The following TMCO4 variants were observed in gnomAD, a reference collection of about 807,000 sequenced individuals.
TMCO4 encodes transmembrane and coiled-coil domain-containing protein 4.
TMCO4 carries 58 observed loss-of-function variants against 64.7 expected under a neutral mutation model. That is an observed-to-expected ratio of 0.90 (90% CI 0.73 to 1.12). The LOEUF (loss-of-function observed/expected upper bound fraction) is 1.12. TMCO4 is among the 50% of genes most tolerant of loss of function. The pLI is 0.00. For synonymous variants in TMCO4, 325 were observed against 346.1 expected (o/e 0.94, Z 0.68); for missense variants, 780 against 825.9 (o/e 0.94, Z 0.68).
chr1:19,735,855 G>A (rs2095451788), intron 13 of TMCO4, among the ~76,000 whole-genome samples: 1 of 152,194 alleles, frequency 6.6e-6, no homozygotes. Context: ...GCCAGAGAGG[G>A]AAAGATGACA....
At chr1:19,775,032 A>G (rs1263661503) in intron 4 of TMCO4, among the ~76,000 whole-genome samples, 1 of 152,002 alleles carries the variant, frequency 6.6e-6, no homozygotes, top group East Asian at 1.9e-4. Context: ...CCCATCTTAC[A>G]CAGGGCGCAC....
At chr1:19,741,345 T>G (rs1181124760) in intron 10 of TMCO4, among the ~76,000 whole-genome samples, 1 of 152,238 alleles carries the variant, frequency 6.6e-6, no homozygotes. Context: ...AAGCTGCTAA[T>G]GACATACAAC....
chr1:19,726,834 AAT>A (rs1452039355), intron 13 of TMCO4, among the ~76,000 whole-genome samples: 1 of 152,150 alleles, frequency 6.6e-6, no homozygotes, highest in East Asian at 1.9e-4. Flanking sequence ...ATGCCAGTTG[AAT>A]TTGGGCCTGT....
At chr1:19,749,925 C>T (rs990609824) in intron 7 of TMCO4, among the ~76,000 whole-genome samples, 1 of 152,158 alleles carries the variant, frequency 6.6e-6, no homozygotes, top group Non-Finnish European at 1.5e-5. Context: ...CCACAGTGGA[C>T]AGAACCACTT....
chr1:19,789,985 C>G (rs894396244), intron 2 of TMCO4, among the ~76,000 whole-genome samples: 4 of 147,006 alleles, frequency 2.7e-5, no homozygotes, highest in Non-Finnish European at 4.5e-5. Flanking sequence ...TCTTGGGGGT[C>G]GAGGCTGCAG....
chr1:19,701,082 CTACT>C (rs2095269272), intron 13 of TMCO4, 197 bp from the exon 14 acceptor site: 2 of 518,054 alleles, frequency 3.9e-6, no homozygotes, highest in Non-Finnish European at 6.8e-6. Context: ...AGGCTTCTAC[CTACT>C]GAGTTCCAGA....
In TMCO4 at chr1:19,682,940, T is replaced by C; in HGVS notation, c.*100A>G. 1 of 1,418,784 alleles carries C rather than the reference T, an allele frequency of 7.0e-7. No individual in the cohort carries two copies. Among genetic ancestry groups the C allele is most frequent in the East Asian group, 2.3e-5 (1 of 43,590 alleles). The allele number at this position is 1,418,784 out of a possible 1,614,324, so 87.9% of individuals were successfully genotyped here. On this transcript the variant is annotated 3_prime_UTR_variant, in exon 16 of 16. Transcript: ENST00000294543. ...TCCTTCCATTTAGGAAAGAGGCCTG[T>C]GGAAATCCTGTACCTCCAGAGCTCC...
At chr1:19,794,977 C>T (rs554081617) in intron 2 of TMCO4, among the ~76,000 whole-genome samples, 17 of 152,058 alleles carry the variant, frequency 1.1e-4, no homozygotes, top group African/African-American at 3.6e-4. Context: ...ATGGTGGTGG[C>T]CAGGGGCTGC....
At position 19,730,205 on chromosome 1, in the gene TMCO4, T is replaced by G. The variant is rs535208863; in HGVS notation, c.1264+7167A>C. ...TTGTAAAAGTCACATGTGTTACTTATGGGTGAAGGTGCTTTAAGGGCCAGT... is the reference window on the plus strand; with the variant it reads ...TTGTAAAAGTCACATGTGTTACTTAGGGGTGAAGGTGCTTTAAGGGCCAGT... On this transcript the variant is annotated intron_variant, in intron 13 of 15. Coordinates refer to ENST00000294543, the MANE Select transcript of TMCO4 (RefSeq NM_181719.7). Among the ~76,000 whole-genome samples the G allele has an allele frequency of 2.0e-5, 3 of 152,322 alleles. No homozygotes were observed. In the East Asian group the frequency reaches 5.8e-4, roughly 29 times the overall value.
chr1:19,790,850 C>T lies in TMCO4; in HGVS notation c.-100-3733G>A, dbSNP rs535705870. 3.9e-5 allele frequency among the ~76,000 whole-genome samples: 6 copies of T among 152,322 alleles called. 1 individual carries two copies. Among genetic ancestry groups the T allele is most frequent in the African/African-American group, 1.4e-4 (6 of 41,570 alleles). ...TGTAAATCATTCTATTACAAAGATA[C>T]CTGCACGTGTATGTTCACTGCAGCA... On this transcript the variant is annotated intron_variant, in intron 2 of 15. Coordinates refer to ENST00000294543, the MANE Select transcript of TMCO4 (RefSeq NM_181719.7).
chr1:19,744,254 A>C (rs570748839), intron 10 of TMCO4, among the ~76,000 whole-genome samples: 1 of 152,256 alleles, frequency 6.6e-6, no homozygotes, highest in East Asian at 1.9e-4. Flanking sequence ...GGGTCAAGTA[A>C]CAAGTGGACC....
At chr1:19,746,033 T>C (rs1381904183) in intron 9 of TMCO4, among the ~76,000 whole-genome samples, 1 of 152,118 alleles carries the variant, frequency 6.6e-6, no homozygotes, top group Admixed American at 6.5e-5. Flanking sequence ...CAAACTTCTC[T>C]TGGGGAGTTG....
At chr1:19,751,965 G>A (rs1264054007) in intron 7 of TMCO4, among the ~76,000 whole-genome samples, 4 of 151,508 alleles carry the variant, frequency 2.6e-5, no homozygotes, top group South Asian at 2.1e-4. Context: ...GGAGAATGGC[G>A]TGAACCCAGG....
intron 7 of TMCO4, among the ~76,000 whole-genome samples, chr1:19,753,530 C>G (rs1216935932): frequency 6.6e-6 from 1 of 152,166 alleles, no homozygotes; most frequent in Non-Finnish European, 1.5e-5. Flanking sequence ...CACTCTAGAC[C>G]TCAGCTGCAA....
intron 15 of TMCO4, among the ~76,000 whole-genome samples, chr1:19,688,112 G>A (rs970866966): frequency 2.6e-5 from 4 of 152,170 alleles, no homozygotes; most frequent in African/African-American, 7.2e-5. Context: ...CTGGATACAC[G>A]CCGGATGTGA....
intron 13 of TMCO4, among the ~76,000 whole-genome samples, chr1:19,710,009 G>A (rs1368754829): frequency 2.0e-5 from 3 of 151,914 alleles, no homozygotes; most frequent in Non-Finnish European, 4.4e-5. Context: ...TTGAATTCTC[G>A]ACCTCAGGTG....
chr1:19,792,743 C>A (rs1182060006), intron 2 of TMCO4, among the ~76,000 whole-genome samples: 1 of 146,476 alleles, frequency 6.8e-6, no homozygotes, highest in Non-Finnish European at 1.5e-5. Flanking sequence ...CCCCTTGGAG[C>A]AGTCAGTGAA....
At chr1:19,789,179 T>C (rs6690096) in intron 2 of TMCO4, among the ~76,000 whole-genome samples, 1 of 152,118 alleles carries the variant, frequency 6.6e-6, no homozygotes, top group Non-Finnish European at 1.5e-5. Context: ...AGGCAGGCAG[T>C]TCACCTGAGT....
At chr1:19,696,439 A>G (rs1433177453) in intron 14 of TMCO4, among the ~76,000 whole-genome samples, 1 of 152,038 alleles carries the variant, frequency 6.6e-6, no homozygotes, top group African/African-American at 2.4e-5. Flanking sequence ...GGTCCCAGCT[A>G]CTTGGGAGGC....
Sources: gnomAD v4.1 joint callset for allele counts (sites outside exome capture counted in the v4.1 genomes callset) on GRCh38, gnomAD v4.1.1 for gene constraint, MANE v1.5 for transcripts, NCBI Gene and HGNC (gene_info 2026-07-23, HGNC 2026-07-21) for gene names.